Variants in SLC25A26 observed in about 807,000 individuals in gnomAD.
SLC25A26 encodes the protein mitochondrial S-adenosylmethionine carrier protein.
Under a neutral mutation model 37.8 loss-of-function variants are expected in SLC25A26, and 36 were observed. The ratio of observed to expected loss-of-function variants is 0.95; its 90% CI spans 0.73 to 1.26. The LOEUF is 1.26. Ranked by LOEUF, SLC25A26 falls within the 50% of genes most tolerant of loss-of-function variation. The pLI is 0.00. For missense variants in SLC25A26, 390 were observed against 331.1 expected, an observed-to-expected ratio of 1.18 and a Z score of -1.38; for synonymous variants, 129 against 122.5, an observed-to-expected ratio of 1.05 and a Z score of -0.35.
intron 1 of SLC25A26, among the ~76,000 whole-genome samples, chr3:66,199,893 C>T (rs1351719050): frequency 6.6e-6 from 1 of 152,166 alleles, no homozygotes; most frequent in African/African-American, 2.4e-5. Context: ...TGACCTTCAA[C>T]TACACCCTAA....
intron 3 of SLC25A26, among the ~76,000 whole-genome samples, chr3:66,251,258 A>C (rs974746757): frequency 1.3e-5 from 2 of 152,086 alleles, no homozygotes; most frequent in African/African-American, 4.8e-5. Flanking sequence ...AGCTGTGTGG[A>C]GATAAGGAGA....
intron 1 of SLC25A26, among the ~76,000 whole-genome samples, chr3:66,163,349 G>C (rs957937608): frequency 2.0e-5 from 3 of 152,090 alleles, no homozygotes; most frequent in Non-Finnish European, 2.9e-5. Flanking sequence ...CTGCAAGATT[G>C]ATATATTTTT....
At chr3:66,263,411 G>A (rs755627159) in intron 5 of SLC25A26, 32 bp downstream of exon 5, 18 of 1,404,444 alleles carry the variant, frequency 1.3e-5, no homozygotes, top group Non-Finnish European at 1.8e-5. Flanking sequence ...ATTGAAGTAC[G>A]AAAGAATGAT....
chr3:66,202,492 G>A (rs1229710026), intron 1 of SLC25A26, among the ~76,000 whole-genome samples: 1 of 140,408 alleles, frequency 7.1e-6, no homozygotes, highest in African/African-American at 2.7e-5. Flanking sequence ...TAACAAACCT[G>A]CATATTCTAC....
intron 1 of SLC25A26, among the ~76,000 whole-genome samples, chr3:66,139,285 T>C (rs939250394): frequency 1.3e-5 from 2 of 152,236 alleles, no homozygotes; most frequent in African/African-American, 2.4e-5. Context: ...TTAGCTTCTC[T>C]AATTCTGCAG....
chr3:66,309,368 T>C (rs1392808332), intron 5 of SLC25A26, among the ~76,000 whole-genome samples: 1 of 152,260 alleles, frequency 6.6e-6, no homozygotes, highest in African/African-American at 2.4e-5. Flanking sequence ...ATCCACTTTA[T>C]CATTTTTTAT....
chr3:66,334,976 A>G (rs138674172), intron 5 of SLC25A26, among the ~76,000 whole-genome samples: 110 of 152,262 alleles, frequency 7.2e-4, no homozygotes, highest in South Asian at 1.9e-3. Context: ...TCTATTTTCT[A>G]TCTCTCCTGA....
At chr3:66,199,697 C>T (rs1224324729) in intron 1 of SLC25A26, among the ~76,000 whole-genome samples, 1 of 152,128 alleles carries the variant, frequency 6.6e-6, no homozygotes, top group Admixed American at 6.5e-5. Context: ...TCCTGACCCT[C>T]ATCATGAAAT....
intron 1 of SLC25A26, among the ~76,000 whole-genome samples, chr3:66,233,838 T>C (rs1196618376): frequency 1.3e-5 from 2 of 152,196 alleles, no homozygotes; most frequent in Non-Finnish European, 2.9e-5. Context: ...CCTCAGAAGA[T>C]AATAATTGTG....
chr3:66,283,933 C>T (rs1229616690), intron 5 of SLC25A26, among the ~76,000 whole-genome samples: 4 of 151,976 alleles, frequency 2.6e-5, no homozygotes, highest in East Asian at 3.9e-4. Context: ...ATTTGTTGAC[C>T]GTTTTGAATT....
chr3:66,240,822 T>G (rs915773105), intron 2 of SLC25A26, among the ~76,000 whole-genome samples: 9 of 149,136 alleles, frequency 6.0e-5, no homozygotes, highest in Non-Finnish European at 1.3e-4. Flanking sequence ...CTTGGCTCAC[T>G]GCAAGCTCCG....
At chr3:66,329,232 C>T (rs2075912460) in intron 5 of SLC25A26, among the ~76,000 whole-genome samples, 1 of 152,150 alleles carries the variant, frequency 6.6e-6, no homozygotes, top group African/African-American at 2.4e-5. Context: ...ATTTAATTTG[C>T]ATGCATACCA....
At chr3:66,182,611 C>T (rs2070734156) in intron 1 of SLC25A26, among the ~76,000 whole-genome samples, 1 of 151,620 alleles carries the variant, frequency 6.6e-6, no homozygotes, top group South Asian at 2.1e-4. Context: ...AAACCTAACT[C>T]CCCTATTTTA....
At chr3:66,228,963 A>G (rs782506365) in intron 1 of SLC25A26, among the ~76,000 whole-genome samples, 1 of 152,206 alleles carries the variant, frequency 6.6e-6, no homozygotes, top group Non-Finnish European at 1.5e-5. Context: ...TTAATTCATT[A>G]TTGCTAGTGA....
intron 5 of SLC25A26, among the ~76,000 whole-genome samples, chr3:66,304,208 C>T (rs889098680): frequency 1.3e-5 from 2 of 152,166 alleles, no homozygotes; most frequent in Non-Finnish European, 2.9e-5. Context: ...AATGTAACTT[C>T]GTCACAGGAC....
intron 1 of SLC25A26, among the ~76,000 whole-genome samples, chr3:66,215,842 C>A (rs914254451): frequency 2.6e-5 from 4 of 152,088 alleles, no homozygotes; most frequent in Non-Finnish European, 4.4e-5. Context: ...TCCATTTGTG[C>A]TGCTATAACA....
At chr3:66,356,409 A>G (rs1250361260) in intron 6 of SLC25A26, among the ~76,000 whole-genome samples, 2 of 152,122 alleles carry the variant, frequency 1.3e-5, no homozygotes, top group Non-Finnish European at 2.9e-5. Context: ...TTACAACCTG[A>G]TTGTTTTTGT....
At chr3:66,189,749 C>T (rs2106785804) in intron 1 of SLC25A26, among the ~76,000 whole-genome samples, 1 of 152,266 alleles carries the variant, frequency 6.6e-6, no homozygotes. Flanking sequence ...GCAGCCTCAA[C>T]CTCCTGGGCT....
chr3:66,342,408 A>T (rs1193813692), intron 5 of SLC25A26, among the ~76,000 whole-genome samples: 1 of 152,186 alleles, frequency 6.6e-6, no homozygotes, highest in East Asian at 1.9e-4. Flanking sequence ...ACTTATTTTT[A>T]AAAAATATAT....
Sources: allele counts gnomAD v4.1 joint callset (sites outside exome capture counted in the v4.1 genomes callset), GRCh38; gene constraint gnomAD v4.1.1; transcripts MANE v1.5; gene names NCBI Gene and HGNC (gene_info 2026-07-23, HGNC 2026-07-21).